Variants in SLC24A2 observed in about 807,000 individuals in gnomAD.
The protein encoded by SLC24A2 is solute carrier family 24 member 2.
In SLC24A2, 36 loss-of-function variants were observed where a neutral mutation model predicts 62.0. The ratio of observed to expected loss-of-function variants is 0.58; its 90% CI spans 0.44 to 0.77. The LOEUF (loss-of-function observed/expected upper bound fraction) is 0.77, where lower values mean the gene tolerates loss of function less well. Ranked by LOEUF, SLC24A2 falls within the 30% of genes least tolerant of loss-of-function variation. The pLI is 0.00. For missense variants in SLC24A2, 846 were observed against 817.9 expected (o/e 1.03, Z -0.42); for synonymous variants, 358 against 294.0 (o/e 1.22, Z -2.23).
At chr9:19,991,675 A>T in the SLC24A2 span, among the ~76,000 whole-genome samples, 1 of 152,218 alleles carries the variant, frequency 6.6e-6, no homozygotes, top group Non-Finnish European at 1.5e-5. Flanking sequence ...ATACTGTCCT[A>T]AGAATTAGTC....
At chr9:19,651,754 A>G (rs922389275) in intron 2 of SLC24A2, among the ~76,000 whole-genome samples, 1 of 152,212 alleles carries the variant, frequency 6.6e-6, no homozygotes, top group African/African-American at 2.4e-5. Context: ...TAAGATTAGG[A>G]TTGAGGGCCC....
chr9:19,562,158 G>T (rs537283193), intron 7 of SLC24A2, among the ~76,000 whole-genome samples: 1 of 152,120 alleles, frequency 6.6e-6, no homozygotes, highest in Admixed American at 6.5e-5. Context: ...ATTGGTTTTT[G>T]TTGTTTTCAT....
the SLC24A2 span, among the ~76,000 whole-genome samples, chr9:19,935,590 C>G: frequency 6.6e-6 from 1 of 152,176 alleles, no homozygotes; most frequent in African/African-American, 2.4e-5. Flanking sequence ...ATTAGCAGCC[C>G]TTGTGTGTGT....
intron 4 of SLC24A2, among the ~76,000 whole-genome samples, chr9:19,604,171 A>G (rs1836921324): frequency 6.6e-6 from 1 of 152,168 alleles, no homozygotes; most frequent in Non-Finnish European, 1.5e-5. Context: ...TTTGGTACTG[A>G]CACCTATGAT....
At chr9:19,939,590 G>A in the SLC24A2 span, among the ~76,000 whole-genome samples, 1 of 152,146 alleles carries the variant, frequency 6.6e-6, no homozygotes, top group African/African-American at 2.4e-5. Context: ...TGAAGGCCTA[G>A]GACATTACTG....
the SLC24A2 span, among the ~76,000 whole-genome samples, chr9:20,092,154 T>C: frequency 6.6e-6 from 1 of 152,218 alleles, no homozygotes; most frequent in Admixed American, 6.5e-5. Context: ...CTCGGCTTAG[T>C]ACCTGGTGAT....
chr9:19,600,919 G>A (rs60979210), intron 4 of SLC24A2, among the ~76,000 whole-genome samples: 5,815 of 152,220 alleles, frequency 0.038, 340 homozygotes, highest in East Asian at 0.3. Context: ...CTAGACAAGA[G>A]AATCAACCCA....
At chr9:19,756,348 A>C (rs1822139916) in intron 2 of SLC24A2, among the ~76,000 whole-genome samples, 1 of 152,202 alleles carries the variant, frequency 6.6e-6, no homozygotes, top group Admixed American at 6.6e-5. Flanking sequence ...AATAAATCCA[A>C]AGGGACTCTG....
the SLC24A2 span, among the ~76,000 whole-genome samples, chr9:20,201,535 A>G: frequency 6.6e-6 from 1 of 152,232 alleles, no homozygotes; most frequent in Admixed American, 6.5e-5. Context: ...ATTGAGGAAG[A>G]AAAGAGAGCT....
At chr9:19,992,959 G>A in the SLC24A2 span, among the ~76,000 whole-genome samples, 2 of 152,128 alleles carry the variant, frequency 1.3e-5, no homozygotes, top group Admixed American at 1.3e-4. Flanking sequence ...TGCCACCATG[G>A]CTCAGTCAGT....
the SLC24A2 span, among the ~76,000 whole-genome samples, chr9:20,035,518 C>T: frequency 6.6e-6 from 1 of 152,054 alleles, no homozygotes; most frequent in Non-Finnish European, 1.5e-5. Flanking sequence ...TTTTGGGAGG[C>T]CAAGAAAGGA....
At chr9:19,746,023 A>AGACTACAG (rs1421693538) in intron 2 of SLC24A2, among the ~76,000 whole-genome samples, 2 of 152,126 alleles carry the variant, frequency 1.3e-5, no homozygotes, top group African/African-American at 4.8e-5. Flanking sequence ...AATACAGAAA[A>AGACTACAG]GACTACAGAA....
chr9:19,851,695 GTA>G, the SLC24A2 span, among the ~76,000 whole-genome samples: 1 of 152,236 alleles, frequency 6.6e-6, no homozygotes, highest in Non-Finnish European at 1.5e-5. Context: ...TCCATGGTGT[GTA>G]TGTACCACAT....
the SLC24A2 span, among the ~76,000 whole-genome samples, chr9:19,850,976 T>TATATAC: frequency 2.1e-5 from 1 of 47,182 alleles, no homozygotes; most frequent in East Asian, 3.7e-4. Flanking sequence ...TGTATATATA[T>TATATAC]ATATATATGT....
At chr9:20,215,116 T>A in the SLC24A2 span, among the ~76,000 whole-genome samples, 1 of 152,190 alleles carries the variant, frequency 6.6e-6, no homozygotes, top group Non-Finnish European at 1.5e-5. Context: ...GCAGATGTAG[T>A]GTCTGGTGAG....
At chr9:19,846,557 C>T in the SLC24A2 span, among the ~76,000 whole-genome samples, 1 of 152,036 alleles carries the variant, frequency 6.6e-6, no homozygotes, top group East Asian at 1.9e-4. Context: ...TGCCACTCTG[C>T]CTTTTAAGTG....
At chr9:19,744,217 C>T (rs1348576772) in intron 2 of SLC24A2, among the ~76,000 whole-genome samples, 2 of 152,178 alleles carry the variant, frequency 1.3e-5, no homozygotes, top group African/African-American at 4.8e-5. Context: ...AGATCATCAT[C>T]TTTAATTCAA....
intron 2 of SLC24A2, among the ~76,000 whole-genome samples, chr9:19,639,967 T>C (rs1210114645): frequency 2.0e-5 from 3 of 152,266 alleles, no homozygotes. Flanking sequence ...ATATGCCCTC[T>C]TAAAAATATG....
At chr9:20,181,046 G>C in the SLC24A2 span, among the ~76,000 whole-genome samples, 1 of 151,980 alleles carries the variant, frequency 6.6e-6, no homozygotes, top group African/African-American at 2.4e-5. Context: ...AAAAGAAATT[G>C]TCTTCAGAGA....
Sources: allele counts gnomAD v4.1 joint callset (sites outside exome capture counted in the v4.1 genomes callset), GRCh38; gene constraint gnomAD v4.1.1; transcripts MANE v1.5; gene names NCBI Gene and HGNC (gene_info 2026-07-23, HGNC 2026-07-21).